The following ADORA2B variants were observed in gnomAD, a reference collection of about 807,000 sequenced individuals.
ADORA2B encodes adenosine receptor A2b.
ADORA2B carries 18 observed loss-of-function variants against 20.8 expected under a neutral mutation model. The ratio of observed to expected loss-of-function variants is 0.87; its 90% CI spans 0.60 to 1.29. The LOEUF is 1.29. ADORA2B is among the 50% of genes most tolerant of loss of function. The probability of loss-of-function intolerance (pLI) is 0.00; values close to 1 mark genes in which losing one functional copy is unlikely to be tolerated. For synonymous variants in ADORA2B, 179 were observed against 178.3 expected, an observed-to-expected ratio of 1.00 and a Z score of -0.03; for missense variants, 441 against 422.7, an observed-to-expected ratio of 1.04 and a Z score of -0.38.
At chr17:15,945,083 G>T (rs1969780956), upstream of ADORA2B, 4 of 498,926 alleles carry the variant, frequency 8.0e-6, no homozygotes, top group Non-Finnish European at 1.2e-5. Context: ...GCCGCGGGGG[G>T]CCCCGACCCG....
chr17:15,951,082 G>A (rs7224397), intron 1 of ADORA2B, among the ~76,000 whole-genome samples: 8,588 of 152,284 alleles, frequency 0.056, 826 homozygotes, highest in African/African-American at 0.19. Context: ...CGTCATGCCC[G>A]GGGAACAGCT....
chr17:15,945,369 C>T lies in ADORA2B; in HGVS notation c.121C>T (p.Pro41Ser). ...AVGTANTLQT[P>S]TNYFLVSLAA... ...GGGCACGGCGAACACTCTGCAGACG[C>T]CCACCAACTACTTCCTGGTGTCCCT... The change falls in exon 1 of 2, where the codon CCC becomes TCC. Residue 41 changes from proline to serine, a missense_variant. Physicochemically the swap from Pro to Ser is moderately conservative, Grantham distance 74 (BLOSUM62 -1). Coordinates refer to ENST00000304222, the MANE Select transcript of ADORA2B (RefSeq NM_000676.4). 1.9e-6 allele frequency: 3 copies of T among 1,612,100 alleles called. No homozygotes were observed. Among genetic ancestry groups the T allele is most frequent in the Non-Finnish European group, 2.5e-6 (3 of 1,179,820 alleles).
Position 15,974,676 on chromosome 17 carries a change from C to T in ADORA2B, c.336-3C>T. On this transcript the variant is annotated splice_polypyrimidine_tract_variant and splice_region_variant and intron_variant, in intron 1 of 1. Transcript: ENST00000304222. ...CCGTAACAGATGGTATTCTTTTAAACAGGTATAAAAGTTTGGTCACGGGGA... is the reference window on the plus strand; with the variant it reads ...CCGTAACAGATGGTATTCTTTTAAATAGGTATAAAAGTTTGGTCACGGGGA... 1 of 1,609,770 alleles carries T rather than the reference C, an allele frequency of 6.2e-7. No individual in the cohort carries two copies.
At chr17:15,928,401 G>A in the ADORA2B span, among the ~76,000 whole-genome samples, 1 of 151,492 alleles carries the variant, frequency 6.6e-6, no homozygotes, top group African/African-American at 2.4e-5. Context: ...TCTCTTGCCT[G>A]TGCGGATGCC....
chr17:15,868,078 T>C, the ADORA2B span, among the ~76,000 whole-genome samples: 9,038 of 140,294 alleles, frequency 0.064, 928 homozygotes, highest in African/African-American at 0.23. Flanking sequence ...TTACCCCCAA[T>C]CCTGTGCTCT....
At chr17:15,923,634 C>T in the ADORA2B span, among the ~76,000 whole-genome samples, 1 of 151,910 alleles carries the variant, frequency 6.6e-6, no homozygotes, top group Admixed American at 6.6e-5. Flanking sequence ...TCTCAATCTC[C>T]TGACCTCGTG....
At chr17:15,939,846 C>G in the ADORA2B span, among the ~76,000 whole-genome samples, 2 of 123,816 alleles carry the variant, frequency 1.6e-5, no homozygotes, top group African/African-American at 6.4e-5. Context: ...GGTAACAGAG[C>G]GAGACTCTGT....
At chr17:15,936,187 TA>T in the ADORA2B span, among the ~76,000 whole-genome samples, 1 of 152,134 alleles carries the variant, frequency 6.6e-6, no homozygotes, top group African/African-American at 2.4e-5. Context: ...CCTGGCCTGT[TA>T]TTGTACTTTT....
intron 1 of ADORA2B, among the ~76,000 whole-genome samples, chr17:15,961,051 C>T (rs1470800867): frequency 2.0e-5 from 3 of 150,990 alleles, no homozygotes; most frequent in African/African-American, 7.3e-5. Flanking sequence ...CCTGTAGTCC[C>T]AGCTACTCAG....
rs1382775472 is a variant in ADORA2B, at chr17:15,974,725, G to C, written c.382G>C (p.Val128Leu). ...GACCCGAGCAAGAGGGGTCATTGCT[G>C]TCCTCTGGGTCCTTGCCTTTGGCAT... is the stretch of plus-strand genomic sequence containing the variant. The part of the protein sequence containing the change: ...TGTRARGVIA[V>L]LWVLAFGIGL... Residue 128 changes from valine (V) to leucine (L), a missense_variant, in exon 2 of 2, where the codon GTC becomes CTC. Coordinates refer to ENST00000304222, the MANE Select transcript of ADORA2B (RefSeq NM_000676.4). 1 of 1,614,154 alleles carries C rather than the reference G, an allele frequency of 6.2e-7. No individual in the cohort carries two copies. The highest frequency in any genetic ancestry group is 2.2e-5 in the East Asian group (1 of 44,878).
chr17:15,910,485 A>G, the ADORA2B span, among the ~76,000 whole-genome samples: 1 of 151,958 alleles, frequency 6.6e-6, no homozygotes, highest in Admixed American at 6.6e-5. Context: ...TTTTAGTAGA[A>G]ACGGGGTTTC....
the ADORA2B span, among the ~76,000 whole-genome samples, chr17:15,872,311 G>A: frequency 1.3e-5 from 2 of 152,146 alleles, no homozygotes; most frequent in Non-Finnish European, 2.9e-5. Flanking sequence ...ATGCCGTTTT[G>A]GTAACTAGTA....
At chr17:15,932,735 C>T in the ADORA2B span, among the ~76,000 whole-genome samples, 5 of 152,122 alleles carry the variant, frequency 3.3e-5, no homozygotes, top group African/African-American at 1.2e-4. Flanking sequence ...CATGGAATCC[C>T]TGTCAAATAT....
the ADORA2B span, among the ~76,000 whole-genome samples, chr17:15,902,876 T>C: frequency 1.3e-5 from 2 of 152,338 alleles, no homozygotes; most frequent in South Asian, 4.1e-4. Flanking sequence ...CAGAAGATTC[T>C]GGAGGGCTCA....
chr17:15,873,167 G>T, the ADORA2B span, among the ~76,000 whole-genome samples: 1 of 152,084 alleles, frequency 6.6e-6, no homozygotes, highest in Non-Finnish European at 1.5e-5. Flanking sequence ...TGATCATATG[G>T]TTTTTGTTTT....
At chr17:15,965,951 G>A (rs8068607) in intron 1 of ADORA2B, among the ~76,000 whole-genome samples, 5,314 of 152,294 alleles carry the variant, frequency 0.035, 311 homozygotes, top group African/African-American at 0.12. Context: ...CATGGTGGCA[G>A]CCTCTTGCCC....
chr17:15,854,804 A>C, the ADORA2B span, among the ~76,000 whole-genome samples: 2 of 152,368 alleles, frequency 1.3e-5, no homozygotes, highest in African/African-American at 4.8e-5. Flanking sequence ...GCTTATATCA[A>C]TATCAATGCC....
chr17:15,866,742 T>TGCCGCTGCCTCTGCCG, the ADORA2B span, among the ~76,000 whole-genome samples: 68 of 119,800 alleles, frequency 5.7e-4, 1 homozygote, highest in Middle Eastern at 4.7e-3. Flanking sequence ...TGCCTCTGCC[T>TGCCGCTGCCTCTGCCG]CTGCCGCTGC....
At chr17:15,950,102 C>G (rs1053931784) in intron 1 of ADORA2B, among the ~76,000 whole-genome samples, 4 of 152,228 alleles carry the variant, frequency 2.6e-5, no homozygotes, top group Non-Finnish European at 4.4e-5. Context: ...CAAAACCCCA[C>G]AAATACTGCT....
Sources: gnomAD v4.1 joint callset for allele counts (sites outside exome capture counted in the v4.1 genomes callset) on GRCh38, gnomAD v4.1.1 for gene constraint, MANE v1.5 for transcripts, NCBI Gene and HGNC (gene_info 2026-07-23, HGNC 2026-07-21) for gene names.